The following MYO18B variants were observed in gnomAD, a reference collection of about 807,000 sequenced individuals.
The protein encoded by MYO18B is myosin XVIIIB, also known as unconventional myosin-XVIIIb.
Under a neutral mutation model 273.0 loss-of-function variants are expected in MYO18B, and 204 were observed. The ratio of observed to expected loss-of-function variants is 0.75; its 90% CI spans 0.67 to 0.84. The LOEUF (loss-of-function observed/expected upper bound fraction) is 0.84. Ranked by LOEUF, MYO18B falls within the 40% of genes least tolerant of loss-of-function variation. MYO18B has a pLI of 0.00. For missense variants in MYO18B, 3,212 were observed against 3,287.6 expected, an observed-to-expected ratio of 0.98 and a Z score of 0.56; for synonymous variants, 1,330 against 1,305.7, an observed-to-expected ratio of 1.02 and a Z score of -0.40.
chr22:26,008,448 A>G (rs1412231866), intron 42 of MYO18B, among the ~76,000 whole-genome samples: 2 of 152,234 alleles, frequency 1.3e-5, no homozygotes, highest in South Asian at 2.1e-4. Flanking sequence ...GATATATCCC[A>G]TTTGACTGAG....
intron 34 of MYO18B, among the ~76,000 whole-genome samples, chr22:25,929,703 AC>A (rs1388630061): frequency 2.0e-5 from 3 of 152,104 alleles, no homozygotes; most frequent in Admixed American, 2.0e-4. Flanking sequence ...CCTTCTGAGA[AC>A]AAAGCTGCCA....
intron 12 of MYO18B, among the ~76,000 whole-genome samples, chr22:25,813,069 CTT>C (rs1181754999): frequency 6.6e-6 from 1 of 151,034 alleles, no homozygotes; most frequent in Non-Finnish European, 1.5e-5. Flanking sequence ...TCCCTTCCTT[CTT>C]TCTCTCCCCT....
rs1313378975 is a variant in MYO18B at position 25,921,298 on chromosome 22, A to G, written c.5406A>G (p.Arg1802=). 3.2e-6 allele frequency: 5 copies of G among 1,557,382 alleles called. No homozygotes were observed. The highest frequency in any genetic ancestry group is 1.9e-5 in the Admixed American group (1 of 51,334). The part of the protein sequence containing the change: ...RDFDVEKRLR[R]DLRRTHALLS... The stretch of plus-strand genomic sequence containing the variant: ...TTGATGTGGAGAAGCGACTTCGGAG[A>G]GACCTCAGGAGGACACATGCACTGT... Residue 1802 remains arginine (R), a synonymous_variant, in exon 34 of 44, where the codon AGA becomes AGG. Coordinates refer to ENST00000335473, the MANE Select transcript of MYO18B (RefSeq NM_032608.7).
At chr22:25,890,971 A>T in intron 26 of MYO18B, 96 bp downstream of exon 26, 1 of 1,484,166 alleles carries the variant, frequency 6.7e-7, no homozygotes, top group South Asian at 1.3e-5. Context: ...AGTAAGCTTA[A>T]GCAAGATGCA....
At chr22:25,815,187 G>A (rs1433676488) in intron 12 of MYO18B, among the ~76,000 whole-genome samples, 1 of 152,236 alleles carries the variant, frequency 6.6e-6, no homozygotes, top group African/African-American at 2.4e-5. Flanking sequence ...TTGATAGATT[G>A]AATGGCCCCT....
At chr22:25,801,079 C>CT (rs1439669399) in intron 12 of MYO18B, among the ~76,000 whole-genome samples, 2 of 152,134 alleles carry the variant, frequency 1.3e-5, no homozygotes, top group African/African-American at 4.8e-5. Context: ...ACATAAATGT[C>CT]TTTGCTTTGT....
the MYO18B span, among the ~76,000 whole-genome samples, chr22:26,060,908 AACAT>A: frequency 2.0e-5 from 3 of 151,788 alleles, no homozygotes; most frequent in Admixed American, 6.6e-5. Context: ...CATATACACA[AACAT>A]ACATATACAC....
intron 1 of MYO18B, among the ~76,000 whole-genome samples, chr22:25,757,560 C>T (rs1303655656): frequency 6.6e-6 from 1 of 151,408 alleles, no homozygotes; most frequent in African/African-American, 2.4e-5. Context: ...ATACTCCAGC[C>T]TGGGCAACAG....
intron 11 of MYO18B, among the ~76,000 whole-genome samples, chr22:25,794,370 C>A (rs1185668758): frequency 6.6e-6 from 1 of 151,612 alleles, no homozygotes; most frequent in South Asian, 2.1e-4. Context: ...CCATGCCTGG[C>A]AGATTTTTAA....
chr22:25,765,125 CTG>C (rs2086460055), intron 3 of MYO18B, among the ~76,000 whole-genome samples: 1 of 152,140 alleles, frequency 6.6e-6, no homozygotes, highest in South Asian at 2.1e-4. Context: ...TGGGGACAAA[CTG>C]TCACTGCTGT....
chr22:26,058,540 A>C, the MYO18B span, among the ~76,000 whole-genome samples: 4 of 152,208 alleles, frequency 2.6e-5, no homozygotes, highest in Admixed American at 6.5e-5. Context: ...TTTCATGTTG[A>C]GTTTGATCCC....
rs199769850 is a variant in MYO18B, at chr22:25,847,493, C to T, written c.3616C>T (p.Pro1206Ser). 230 of 1,582,446 alleles carry T rather than the reference C, an allele frequency of 1.5e-4. No homozygotes were observed. The highest frequency in any genetic ancestry group is 1.3e-3 in the Middle Eastern group (8 of 6,034). Reference sequence around the variant, plus strand: ...CTTTATCCACTGCCTGGTACCAAACCCTGTGGTGGAAAGCAGGAGTGGGCA... The same window carrying T: ...CTTTATCCACTGCCTGGTACCAAACTCTGTGGTGGAAAGCAGGAGTGGGCA... ...LHFIHCLVPN[P>S]VVESRSGQES... Residue 1206 changes from proline to serine, a missense_variant, in exon 20 of 44, where the codon CCT (proline) becomes TCT (serine). Physicochemically the swap from Pro to Ser is moderately conservative, Grantham distance 74. Coordinates refer to ENST00000335473, the MANE Select transcript of MYO18B (RefSeq NM_032608.7).
chr22:25,968,323 T>G (rs2093000670), intron 39 of MYO18B, among the ~76,000 whole-genome samples: 1 of 152,152 alleles, frequency 6.6e-6, no homozygotes, highest in Non-Finnish European at 1.5e-5. Flanking sequence ...CCTAGCCATA[T>G]GGATGGAGAG....
At chr22:25,783,576 T>A (rs1322797454) in intron 10 of MYO18B, among the ~76,000 whole-genome samples, 1 of 152,222 alleles carries the variant, frequency 6.6e-6, no homozygotes, top group East Asian at 1.9e-4. Flanking sequence ...TGGGTGGGGC[T>A]TGGCTCTGGG....
Position 25,809,554 on chromosome 22 carries a change from C to T in MYO18B, c.2521+11457C>T, listed in dbSNP as rs541069263. 4.4e-4 allele frequency among the ~76,000 whole-genome samples: 67 copies of T among 152,240 alleles called. No homozygotes were observed. In the East Asian group the frequency reaches 4.4e-3, roughly 10 times the overall value. ...GCAGTCAGAACCAAATATATCCCAG[C>T]GAGGTGCCCCATGATGGGGTTATGA... On this transcript the variant is annotated intron_variant, in intron 12 of 43. Transcript: ENST00000335473.
intron 34 of MYO18B, among the ~76,000 whole-genome samples, chr22:25,932,669 C>G (rs2146512195): frequency 6.6e-6 from 1 of 152,268 alleles, no homozygotes; most frequent in South Asian, 2.1e-4. Flanking sequence ...CTCGGCCTCC[C>G]AAAGTGCTGG....
Position 25,921,702 on chromosome 22 carries a change from T to TTGTGTGTGTG in MYO18B, c.5517+323_5517+332dup, listed in dbSNP as rs3070571. ...AGAATGGCTGAGTGCAGTGTGCCTGTTGTGTGTGTGTGTGTGTGTGTGTGT... is the reference window on the plus strand; with the variant it reads ...AGAATGGCTGAGTGCAGTGTGCCTGTTGTGTGTGTGTGTGTGTGTGTGTGTGTGTGTGTGT... On this transcript the variant is annotated intron_variant, in intron 34 of 43. Transcript: ENST00000335473. Among the ~76,000 whole-genome samples, 432 of 145,684 alleles carry TTGTGTGTGTG rather than the reference T, an allele frequency of 3.0e-3. 1 individual carries two copies. Among genetic ancestry groups the TTGTGTGTGTG allele is most frequent in the Non-Finnish European group, 5.1e-3 (340 of 66,084 alleles).
At position 25,761,142 on chromosome 22, in the gene MYO18B, C is replaced by G. The variant is rs998123974; in HGVS notation, c.39+11C>G. The G allele has an allele frequency of 6.2e-7, 1 of 1,612,920 alleles. No homozygotes were observed. The highest frequency in any genetic ancestry group is 8.5e-7 in the Non-Finnish European group (1 of 1,179,884). ...CTGTGGGAGCAGAAGGAAAGTGACA[C>G]TCATGGCTGGGGCTGCAGCCATCTG... On this transcript the variant is annotated intron_variant, in intron 2 of 43. Transcript: ENST00000335473.
chr22:25,778,924 C>T (rs186131834), intron 8 of MYO18B, among the ~76,000 whole-genome samples: 682 of 152,194 alleles, frequency 4.5e-3, no homozygotes, highest in African/African-American at 0.015. Flanking sequence ...ATACTCCTAG[C>T]GCTGAGATTC....
Sources: gnomAD v4.1 joint callset for allele counts (sites outside exome capture counted in the v4.1 genomes callset) on GRCh38, gnomAD v4.1.1 for gene constraint, MANE v1.5 for transcripts, NCBI Gene and HGNC (gene_info 2026-07-23, HGNC 2026-07-21) for gene names.